The following LRBA variants were observed in gnomAD, a reference collection of about 807,000 sequenced individuals.
LRBA encodes LPS responsive beige-like anchor protein.
Under a neutral mutation model 330.0 loss-of-function variants are expected in LRBA, and 176 were observed. The ratio of observed to expected loss-of-function variants is 0.53; its 90% CI spans 0.47 to 0.60. The LOEUF (loss-of-function observed/expected upper bound fraction) is 0.60. LRBA is among the 20% of genes least tolerant of loss of function. LRBA has a pLI of 0.00. For synonymous variants in LRBA, 1,230 were observed against 1,193.0 expected, an observed-to-expected ratio of 1.03 and a Z score of -0.64; for missense variants, 3,259 against 3,444.8, an observed-to-expected ratio of 0.95 and a Z score of 1.35.
chr4:150,412,556 T>C (rs1019074881), intron 47 of LRBA, among the ~76,000 whole-genome samples: 1 of 152,164 alleles, frequency 6.6e-6, no homozygotes, highest in Non-Finnish European at 1.5e-5. Flanking sequence ...CCTTAACTTA[T>C]GTAATTAAAT....
intron 4 of LRBA, among the ~76,000 whole-genome samples, chr4:150,927,229 C>A (rs555014485): frequency 6.6e-6 from 1 of 151,522 alleles, no homozygotes; most frequent in Non-Finnish European, 1.5e-5. Flanking sequence ...AAAAATTAGC[C>A]GCACTTGGTG....
intron 30 of LRBA, 52 bp from the exon 31 acceptor site, chr4:150,817,309 T>C (rs1238559958): frequency 4.6e-6 from 7 of 1,518,024 alleles, no homozygotes; most frequent in Non-Finnish European, 6.4e-6. Context: ...TCTCTTGAAT[T>C]AATTACATGA....
intron 17 of LRBA, among the ~76,000 whole-genome samples, chr4:150,885,900 A>C (rs796392135): frequency 6.6e-6 from 1 of 152,318 alleles, no homozygotes; most frequent in African/African-American, 2.4e-5. Context: ...TGAGATGAAC[A>C]AAGACTGAGA....
rs1368855278 is a variant in LRBA, at chr4:150,272,606, A to C, written c.8468+5247T>G. ...AATTGCTAACTAGAATAACCAGTTT[A>C]GAGAAGAACATAAATGACCTGATGG... On this transcript the variant is annotated intron_variant, in intron 56 of 56. Coordinates refer to ENST00000651943, the MANE Select transcript of LRBA (RefSeq NM_001364905.1). 2.0e-5 allele frequency among the ~76,000 whole-genome samples: 3 copies of C among 152,130 alleles called. No individual in the cohort carries two copies. The East Asian group carries it at 5.8e-4, about 30-fold the overall frequency.
At chr4:150,844,933 G>A (rs1056470688) in intron 26 of LRBA, among the ~76,000 whole-genome samples, 154 bp from the exon 27 acceptor site, 1 of 152,102 alleles carries the variant, frequency 6.6e-6, no homozygotes, top group Non-Finnish European at 1.5e-5. Context: ...AGACTTTATC[G>A]CCTAGTGTTG....
At chr4:150,661,295 A>G (rs1781068447) in intron 37 of LRBA, among the ~76,000 whole-genome samples, 1 of 151,146 alleles carries the variant, frequency 6.6e-6, no homozygotes, top group Non-Finnish European at 1.5e-5. Context: ...ACATGGTAAG[A>G]CCCCATCTCT....
At chr4:150,585,949 A>T (rs1772062039) in intron 40 of LRBA, among the ~76,000 whole-genome samples, 1 of 152,136 alleles carries the variant, frequency 6.6e-6, no homozygotes, top group Non-Finnish European at 1.5e-5. Context: ...TCCTTGGTAA[A>T]AACAGTCCTG....
intron 37 of LRBA, among the ~76,000 whole-genome samples, chr4:150,629,225 A>G (rs765346080): frequency 1.5e-4 from 23 of 152,248 alleles, no homozygotes; most frequent in Non-Finnish European, 3.1e-4. Context: ...GTAATGGGTT[A>G]AGGAAGTAAA....
At position 150,915,646 on chromosome 4, in the gene LRBA, A is replaced by C; in HGVS notation, c.976T>G (p.Ser326Ala). 1.9e-6 allele frequency: 3 copies of C among 1,613,062 alleles called. No individual in the cohort carries two copies. The highest frequency in any genetic ancestry group is 2.5e-6 in the Non-Finnish European group (3 of 1,179,294). The part of the protein sequence containing the change: ...LRCYVNGELA[S>A]YGEITWFVNT... ...ACAAACCATGTTATCTCTCCATAGG[A>C]AGCCAGCTCACCATTCACATAACAT... The change falls in exon 8 of 57, where the codon TCC becomes GCC. Residue 326 changes from serine to alanine, a missense_variant. Transcript: ENST00000651943.
rs536108580 is a variant in LRBA, at chr4:150,272,105, T to G, written c.8468+5748A>C. 7.2e-5 allele frequency among the ~76,000 whole-genome samples: 11 copies of G among 152,242 alleles called. No individual in the cohort carries two copies. The East Asian group carries it at 2.1e-3, about 30-fold the overall frequency. On this transcript the variant is annotated intron_variant, in intron 56 of 56. Coordinates refer to ENST00000651943, the MANE Select transcript of LRBA (RefSeq NM_001364905.1). ...AGGAGAGCTCTGGCGGAGGCCCCTC[T>G]GGAATGAAGCTTCCAGAGGAAGGAA... is the stretch of plus-strand genomic sequence containing the variant.
intron 49 of LRBA, among the ~76,000 whole-genome samples, chr4:150,322,707 C>A (rs77628278): frequency 0.047 from 7,186 of 152,148 alleles, 536 homozygotes; most frequent in African/African-American, 0.16. Context: ...AATAAGCTAC[C>A]CGGACACCCT....
chr4:150,379,505 G>A (rs13139265), intron 47 of LRBA, among the ~76,000 whole-genome samples: 60,456 of 151,756 alleles, frequency 0.4, 12,466 homozygotes, highest in South Asian at 0.48. Context: ...ATAGAGCCCA[G>A]CTGGGTTCAC....
intron 53 of LRBA, among the ~76,000 whole-genome samples, chr4:150,297,755 A>G (rs1729149570): frequency 6.6e-6 from 1 of 152,230 alleles, no homozygotes; most frequent in Non-Finnish European, 1.5e-5. Context: ...AGCTGTGATC[A>G]AGAAGCTAAC....
At position 150,915,725 on chromosome 4, in the gene LRBA, C is replaced by A; in HGVS notation, c.897G>T (p.Trp299Cys). 6.3e-7 allele frequency: 1 copy of A among 1,591,160 alleles called. No individual in the cohort carries two copies. Among genetic ancestry groups the A allele is most frequent in the South Asian group, 1.2e-5 (1 of 85,750 alleles). ...CVKFDFKPQK[W>C]YMVTIVHIYN... ...AGATGTGTACTATGGTAACCATATACCACTGCAGAAGCAAAAAACAGTTAA... is the reference window on the plus strand; with the variant it reads ...AGATGTGTACTATGGTAACCATATAACACTGCAGAAGCAAAAAACAGTTAA... Residue 299 changes from tryptophan to cysteine, a missense_variant and splice_region_variant, in exon 8 of 57, where the codon TGG becomes TGT. Coordinates refer to ENST00000651943, the MANE Select transcript of LRBA (RefSeq NM_001364905.1).
chr4:150,561,427 T>C (rs189552368), intron 40 of LRBA, among the ~76,000 whole-genome samples: 210 of 152,324 alleles, frequency 1.4e-3, no homozygotes, highest in African/African-American at 4.8e-3. Flanking sequence ...TGGAATAAGG[T>C]TGCTAATCAG....
chr4:150,365,340 G>GA (rs1318383433), intron 47 of LRBA, among the ~76,000 whole-genome samples: 1 of 152,078 alleles, frequency 6.6e-6, no homozygotes, highest in Admixed American at 6.6e-5. Flanking sequence ...ACAGCCTTTA[G>GA]AGCAAGACAG....
intron 40 of LRBA, among the ~76,000 whole-genome samples, chr4:150,502,171 A>G (rs1272644095): frequency 6.6e-6 from 1 of 152,206 alleles, no homozygotes; most frequent in Non-Finnish European, 1.5e-5. Context: ...TCATCCTAAG[A>G]AATTACAATG....
In LRBA at chr4:150,265,500, T is replaced by C. The variant is rs551666330; in HGVS notation, c.*222A>G. ...AGACTTCTCATTATGACTAAAAATA[T>C]AGATTTTTTAAAACTACAGAACCCA... On this transcript the variant is annotated 3_prime_UTR_variant, in exon 57 of 57. Coordinates refer to ENST00000651943, the MANE Select transcript of LRBA (RefSeq NM_001364905.1). 3.6e-5 allele frequency: 15 copies of C among 413,968 alleles called. No individual in the cohort carries two copies. The highest frequency in any genetic ancestry group is 1.8e-4 in the African/African-American group (9 of 50,330). The allele number at this position is 413,968 out of a possible 1,614,324, so 25.6% of individuals were successfully genotyped here.
In LRBA at chr4:150,401,789, A is replaced by T. The variant is rs774559959; in HGVS notation, c.7194+13649T>A. On this transcript the variant is annotated intron_variant, in intron 47 of 56. Coordinates refer to ENST00000651943, the MANE Select transcript of LRBA (RefSeq NM_001364905.1). The stretch of plus-strand genomic sequence containing the variant: ...AGGAGGTACACACTGAAATATTTAG[A>T]GGTAAAAGACCATGAAGTATGTAAC... Among the ~76,000 whole-genome samples, 41 of 152,198 alleles carry T rather than the reference A, an allele frequency of 2.7e-4. 1 individual carries two copies. The highest frequency in any genetic ancestry group is 3.9e-4 in the Admixed American group (6 of 15,270).
Sources: gnomAD v4.1 joint callset for allele counts (sites outside exome capture counted in the v4.1 genomes callset) on GRCh38, gnomAD v4.1.1 for gene constraint, MANE v1.5 for transcripts, NCBI Gene and HGNC (gene_info 2026-07-23, HGNC 2026-07-21) for gene names.